The following RORA variants were observed in gnomAD, a reference collection of about 807,000 sequenced individuals.
RORA encodes RAR related orphan receptor A, also known as nuclear receptor ROR-alpha.
RORA carries 7 observed loss-of-function variants against 69.5 expected under a neutral mutation model. That is an observed-to-expected ratio of 0.10 (90% CI 0.06 to 0.19). The LOEUF (loss-of-function observed/expected upper bound fraction) is 0.19. Among genes scored for constraint, RORA ranks in the 10% least tolerant of loss-of-function variants. RORA has a pLI of 1.00. For missense variants in RORA, 457 were observed against 663.0 expected, an observed-to-expected ratio of 0.69 and a Z score of 3.41; for synonymous variants, 261 against 240.8, an observed-to-expected ratio of 1.08 and a Z score of -0.78.
chr15:60,545,249 T>G (rs1467062726), intron 2 of RORA: 8 of 152,072 alleles, frequency 5.3e-5, no homozygotes, highest in Admixed American at 5.2e-4. Context: ...ATTTGGGGGG[T>G]TCATAACCTT....
chr15:60,778,061 G>A (rs1046144418), intron 1 of RORA, among the ~76,000 whole-genome samples: 1 of 152,082 alleles, frequency 6.6e-6, no homozygotes, highest in African/African-American at 2.4e-5. Flanking sequence ...TATAGCCTCC[G>A]GCAAGAAAAA....
At chr15:60,755,534 G>A (rs1375229214) in intron 1 of RORA, among the ~76,000 whole-genome samples, 1 of 151,994 alleles carries the variant, frequency 6.6e-6, no homozygotes, top group African/African-American at 2.4e-5. Context: ...GGTATTTCTG[G>A]TTCTAGATCC....
intron 1 of RORA, among the ~76,000 whole-genome samples, chr15:61,113,698 C>T (rs1197146026): frequency 2.6e-5 from 4 of 152,292 alleles, no homozygotes; most frequent in Admixed American, 6.5e-5. Context: ...CACACACGCA[C>T]GTGTGCACAC....
chr15:60,817,363 G>A (rs1011803837), intron 1 of RORA, among the ~76,000 whole-genome samples: 1 of 152,206 alleles, frequency 6.6e-6, no homozygotes, highest in Non-Finnish European at 1.5e-5. Flanking sequence ...ACAGAAACAT[G>A]AAGTGAGCAC....
intron 1 of RORA, among the ~76,000 whole-genome samples, chr15:60,806,170 T>C (rs1482229488): frequency 6.6e-6 from 1 of 152,164 alleles, no homozygotes; most frequent in East Asian, 1.9e-4. Context: ...TCCCTGCTTT[T>C]GATTTCTTGT....
intron 1 of RORA, among the ~76,000 whole-genome samples, chr15:60,902,922 C>T (rs1430369681): frequency 3.3e-5 from 5 of 152,224 alleles, no homozygotes; most frequent in Non-Finnish European, 5.9e-5. Flanking sequence ...TTTATAAATG[C>T]TCACGTTTAT....
intron 1 of RORA, among the ~76,000 whole-genome samples, chr15:61,094,528 T>G (rs544019917): frequency 3.9e-5 from 6 of 151,970 alleles, no homozygotes; most frequent in African/African-American, 1.4e-4. Flanking sequence ...TGGGAAAGAG[T>G]TTCATCAGCA....
chr15:60,851,991 A>G (rs780069671), intron 1 of RORA, among the ~76,000 whole-genome samples: 3 of 152,160 alleles, frequency 2.0e-5, no homozygotes, highest in Non-Finnish European at 4.4e-5. Context: ...GTGTGCCCAC[A>G]TTGTAAAGTA....
intron 1 of RORA, among the ~76,000 whole-genome samples, chr15:61,008,006 A>G (rs2140389740): frequency 6.6e-6 from 1 of 152,052 alleles, no homozygotes; most frequent in South Asian, 2.1e-4. Context: ...GCAAACATTT[A>G]CACCAAAATA....
intron 3 of RORA, chr15:60,530,188 CT>C (rs1165000087): frequency 6.6e-6 from 1 of 152,276 alleles, no homozygotes; most frequent in Non-Finnish European, 1.5e-5. Flanking sequence ...GCCAAATCAG[CT>C]CCAAAAATCA....
intron 1 of RORA, among the ~76,000 whole-genome samples, chr15:61,016,175 G>C (rs1175792419): frequency 6.6e-6 from 1 of 152,120 alleles, no homozygotes; most frequent in African/African-American, 2.4e-5. Context: ...CTACATCTCA[G>C]TCTTCTCATC....
rs530036992 is a variant in RORA, at chr15:60,619,936, T to C, written c.196+58721A>G. Among the ~76,000 whole-genome samples the C allele has an allele frequency of 2.0e-5, 3 of 152,370 alleles. No individual in the cohort carries two copies. The South Asian group carries it at 6.2e-4, about 32-fold the overall frequency. On this transcript the variant is annotated intron_variant, in intron 2 of 10. Coordinates refer to ENST00000335670, the MANE Select transcript of RORA (RefSeq NM_134261.3). ...CACTAGGCTGATTCTCTCTGTTCAT[T>C]TATTCAGGTTTCCAAGAGCTCCATC... is the stretch of plus-strand genomic sequence containing the variant.
At chr15:60,563,654 C>G (rs779576931) in intron 2 of RORA, among the ~76,000 whole-genome samples, 1 of 152,192 alleles carries the variant, frequency 6.6e-6, no homozygotes, top group Non-Finnish European at 1.5e-5. Flanking sequence ...ACAGGAGACT[C>G]TCAGTAAACA....
Position 60,495,412 on chromosome 15 carries a change from T to C in RORA, c.*2043A>G, listed in dbSNP as rs2065143094. The C allele has an allele frequency of 6.6e-6, 1 of 152,250 alleles. No homozygotes were observed. Among genetic ancestry groups the C allele is most frequent in the Non-Finnish European group, 1.5e-5 (1 of 68,040 alleles). The allele number at this position is 152,250 out of a possible 1,614,324, so 9.4% of individuals were successfully genotyped here. A position where few individuals can be genotyped will look rare whatever the true frequency, so the allele number is the denominator to read the frequency against. ...TCTATTTATGGTTAAACTCTTACTA[T>C]GTTTTTGGAAAAAAAGTTGGATGTT... On this transcript the variant is annotated 3_prime_UTR_variant, in exon 11 of 11. Transcript: ENST00000335670.
intron 2 of RORA, among the ~76,000 whole-genome samples, chr15:60,594,800 C>T (rs1275064158): frequency 6.6e-6 from 1 of 152,200 alleles, no homozygotes; most frequent in Non-Finnish European, 1.5e-5. Context: ...ATTTATTCAA[C>T]AAAGACATTT....
intron 1 of RORA, among the ~76,000 whole-genome samples, chr15:61,170,399 T>C (rs950349349): frequency 2.0e-5 from 3 of 152,190 alleles, no homozygotes; most frequent in African/African-American, 7.2e-5. Flanking sequence ...GTGTGTCCTG[T>C]GCTTTTGTCA....
At chr15:61,105,441 T>C (rs867708467) in intron 1 of RORA, among the ~76,000 whole-genome samples, 15 of 152,320 alleles carry the variant, frequency 9.8e-5, no homozygotes, top group African/African-American at 3.6e-4. Context: ...CCCATGATAT[T>C]TCATAAAGTC....
At chr15:60,877,542 A>G (rs2073631734) in intron 1 of RORA, among the ~76,000 whole-genome samples, 1 of 152,172 alleles carries the variant, frequency 6.6e-6, no homozygotes, top group Admixed American at 6.5e-5. Flanking sequence ...GTGAGTAAAA[A>G]TGGCTGTTAT....
At chr15:60,671,186 G>A (rs938003187) in intron 2 of RORA, among the ~76,000 whole-genome samples, 4 of 150,574 alleles carry the variant, frequency 2.7e-5, no homozygotes, top group Non-Finnish European at 5.9e-5. Context: ...TCATAGTACT[G>A]CTTTGTGGCA....
Sources: allele counts gnomAD v4.1 joint callset (sites outside exome capture counted in the v4.1 genomes callset), GRCh38; gene constraint gnomAD v4.1.1; transcripts MANE v1.5; gene names NCBI Gene and HGNC (gene_info 2026-07-23, HGNC 2026-07-21).